The following PDE5A variants were observed in gnomAD, a reference collection of about 807,000 sequenced individuals.
The protein encoded by PDE5A is cGMP-specific 3',5'-cyclic phosphodiesterase.
PDE5A carries 67 observed loss-of-function variants against 110.2 expected under a neutral mutation model. The ratio of observed to expected loss-of-function variants is 0.61; its 90% CI spans 0.50 to 0.75. PDE5A has a LOEUF of 0.75. Among genes scored for constraint, PDE5A ranks in the 30% least tolerant of loss-of-function variants. The pLI, the probability that PDE5A is intolerant of heterozygous loss-of-function variation, is 0.00. For missense variants in PDE5A, 862 were observed against 1,045.1 expected, an observed-to-expected ratio of 0.82 and a Z score of 2.42; for synonymous variants, 328 against 351.2, an observed-to-expected ratio of 0.93 and a Z score of 0.74.
In PDE5A at chr4:119,525,541, A is replaced by C. The variant is rs1282816017; in HGVS notation, c.1779+8T>G. The C allele has an allele frequency of 6.2e-7, 1 of 1,612,050 alleles. No individual in the cohort carries two copies. The highest frequency in any genetic ancestry group is 1.3e-5 in the African/African-American group (1 of 74,806). The stretch of plus-strand genomic sequence containing the variant: ...AGACTTTTCCAAAGGATGTTGCTGC[A>C]TTCCTACCTCATGTTTCATCTGGAA... On this transcript the variant is annotated splice_region_variant and intron_variant, in intron 12 of 20. Coordinates refer to ENST00000354960, the MANE Select transcript of PDE5A (RefSeq NM_001083.4). The surrounding 1 kb of genome is among the most constrained non-coding windows in gnomAD (Gnocchi z 4.3).
chr4:119,596,468 T>C lies in PDE5A; in HGVS notation c.831+55A>G, dbSNP rs1389363574. ...ATATGCAAAGTAAATACAAAATATT[T>C]TTCAAAAAGAAAAATATTTCCAATG... On this transcript the variant is annotated intron_variant, in intron 3 of 20. Transcript: ENST00000354960. 1.0e-5 allele frequency: 10 copies of C among 972,200 alleles called. No homozygotes were observed. In the East Asian group the frequency reaches 2.6e-4, roughly 25 times the overall value. 60.2% of individuals were successfully genotyped at this position (972,200 alleles called of 1,614,324 possible).
At position 119,538,861 on chromosome 4, in the gene PDE5A, AATT is replaced by A; in HGVS notation, c.1632+96_1632+98del. The A allele has an allele frequency of 3.4e-6, 3 of 891,114 alleles. No homozygotes were observed. In the African/African-American group the frequency reaches 4.9e-5, roughly 15 times the overall value. 55.2% of individuals were successfully genotyped at this position (891,114 alleles called of 1,614,324 possible). A position where few individuals can be genotyped will look rare whatever the true frequency, so the allele number is the denominator to read the frequency against. On this transcript the variant is annotated intron_variant, in intron 11 of 20. Transcript: ENST00000354960. ...TGCATCCCTGCAAGAAAGCAGAGTT[AATT>A]AAACATTTTTATAAGTATCCATCTA...
At chr4:119,568,612 T>C (rs780216947) in intron 3 of PDE5A, among the ~76,000 whole-genome samples, 2 of 152,164 alleles carry the variant, frequency 1.3e-5, no homozygotes, top group African/African-American at 2.4e-5. Context: ...AGTTTCATGA[T>C]ACAGTGGCCA....
At chr4:119,628,388 G>A in intron 1 of PDE5A, 132 bp downstream of exon 1, 1 of 631,288 alleles carries the variant, frequency 1.6e-6, no homozygotes, top group Non-Finnish European at 2.7e-6. Context: ...GCTTAGAGTT[G>A]AGGTTTCTAC....
In PDE5A at chr4:119,606,659, C is replaced by T. The variant is rs78421882; in HGVS notation, c.741+50G>A. Reference sequence around the variant, plus strand: ...GCCCCAGCCATAGTACCCGCCCCAGCCATAGTCCCCTCCCCAGCACTGGTC... The same window carrying T: ...GCCCCAGCCATAGTACCCGCCCCAGTCATAGTCCCCTCCCCAGCACTGGTC... On this transcript the variant is annotated intron_variant, in intron 2 of 20. Coordinates refer to ENST00000354960, the MANE Select transcript of PDE5A (RefSeq NM_001083.4). The T allele has an allele frequency of 3.5e-3, 4,762 of 1,374,630 alleles. 122 individuals carry two copies. The African/African-American group carries it at 0.059, about 17-fold the overall frequency. 85.2% of individuals were successfully genotyped at this position (1,374,630 alleles called of 1,614,324 possible).
At chr4:119,540,865 A>G (rs1352552838) in intron 10 of PDE5A, among the ~76,000 whole-genome samples, 2 of 152,310 alleles carry the variant, frequency 1.3e-5, no homozygotes, top group Non-Finnish European at 2.9e-5. Flanking sequence ...TTTCAAAGTT[A>G]TATCTATGAT....
chr4:119,570,638 A>G (rs1370005199), intron 3 of PDE5A, among the ~76,000 whole-genome samples: 1 of 152,218 alleles, frequency 6.6e-6, no homozygotes, highest in African/African-American at 2.4e-5. Flanking sequence ...TCATTGCCAC[A>G]GTGAGCAATT....
chr4:119,593,694 C>T (rs957671729), intron 3 of PDE5A, among the ~76,000 whole-genome samples: 15 of 152,154 alleles, frequency 9.9e-5, no homozygotes, highest in Non-Finnish European at 2.2e-4. Context: ...ATCTCAAATT[C>T]ATCAAATTGT....
At chr4:119,557,214 C>G (rs1037632571) in intron 7 of PDE5A, among the ~76,000 whole-genome samples, 18 of 152,168 alleles carry the variant, frequency 1.2e-4, no homozygotes, top group African/African-American at 4.3e-4. Context: ...AGCAGCCTTG[C>G]CAAACCTTCC....
chr4:119,565,980 TA>T lies in PDE5A; in HGVS notation c.904-571del, dbSNP rs570767920. On this transcript the variant is annotated intron_variant, in intron 4 of 20. Coordinates refer to ENST00000354960, the MANE Select transcript of PDE5A (RefSeq NM_001083.4). Reference sequence around the variant, plus strand: ...TAATTAATATTATTATAATTAATAATAATTAATAGTATTAATTATTGATTGA... The same window carrying T: ...TAATTAATATTATTATAATTAATAATATTAATAGTATTAATTATTGATTGA... 7.5e-3 allele frequency among the ~76,000 whole-genome samples: 1,124 copies of T among 149,058 alleles called. 19 individuals carry two copies. The highest frequency in any genetic ancestry group is 0.026 in the African/African-American group (1,063 of 41,020).
At position 119,525,091 on chromosome 4, in the gene PDE5A, T is replaced by C. The variant is rs937316965; in HGVS notation, c.1779+458A>G. Among the ~76,000 whole-genome samples, 2 of 152,068 alleles carry C rather than the reference T, an allele frequency of 1.3e-5. No homozygotes were observed. Among genetic ancestry groups the C allele is most frequent in the Non-Finnish European group, 2.9e-5 (2 of 67,992 alleles). On this transcript the variant is annotated intron_variant, in intron 12 of 20. Coordinates refer to ENST00000354960, the MANE Select transcript of PDE5A (RefSeq NM_001083.4). This position sits in a 1 kb window ranked among gnomAD's most constrained non-coding sequence, Gnocchi z 4.3. ...TCCCTGTACACTATTGTTATAACCA[T>C]TGCAGTGAGATCATGCTACTTCTCT...
At chr4:119,575,411 A>C (rs1728298066) in intron 3 of PDE5A, among the ~76,000 whole-genome samples, 1 of 152,230 alleles carries the variant, frequency 6.6e-6, no homozygotes, top group African/African-American at 2.4e-5. Flanking sequence ...AAAATGAAGG[A>C]AAAAATGTTA....
At chr4:119,534,504 C>T (rs996724285) in intron 11 of PDE5A, among the ~76,000 whole-genome samples, 5 of 152,134 alleles carry the variant, frequency 3.3e-5, no homozygotes, top group South Asian at 2.1e-4. Flanking sequence ...ATCTCCATTC[C>T]GCCCGCCCCC....
At chr4:119,502,383 C>A in intron 19 of PDE5A, 198 bp downstream of exon 19, 1 of 435,790 alleles carries the variant, frequency 2.3e-6, no homozygotes, top group Non-Finnish European at 4.1e-6. Context: ...ATGATGAACC[C>A]AAGAGTCTTT....
chr4:119,593,336 T>C (rs1729044628), intron 3 of PDE5A, among the ~76,000 whole-genome samples: 1 of 152,200 alleles, frequency 6.6e-6, no homozygotes, highest in South Asian at 2.1e-4. Context: ...GAAATGTTTA[T>C]CAACTGATGA....
intron 3 of PDE5A, among the ~76,000 whole-genome samples, chr4:119,572,048 G>A (rs1468744995): frequency 1.3e-5 from 2 of 152,108 alleles, no homozygotes; most frequent in Non-Finnish European, 2.9e-5. Flanking sequence ...GCAATGTCCT[G>A]TGTTCACATA....
At chr4:119,562,432 A>G (rs1727774570) in intron 6 of PDE5A, among the ~76,000 whole-genome samples, 1 of 152,180 alleles carries the variant, frequency 6.6e-6, no homozygotes, top group Non-Finnish European at 1.5e-5. Context: ...TACCCAACCC[A>G]TCCAGAATGA....
chr4:119,550,860 T>C (rs988009555), intron 9 of PDE5A, among the ~76,000 whole-genome samples: 6 of 152,192 alleles, frequency 3.9e-5, no homozygotes, highest in Admixed American at 2.0e-4. Flanking sequence ...AGAAATAAAA[T>C]TTTATAACAT....
chr4:119,606,398 G>C (rs1179027626), intron 2 of PDE5A, among the ~76,000 whole-genome samples: 1 of 151,922 alleles, frequency 6.6e-6, no homozygotes, highest in Non-Finnish European at 1.5e-5. Flanking sequence ...TATGTATAGT[G>C]ATCAGATAAA....
Sources: gnomAD v4.1 joint callset for allele counts (sites outside exome capture counted in the v4.1 genomes callset) on GRCh38, gnomAD v4.1.1 for gene constraint, Gnocchi (gnomAD v3.1) non-coding constraint, MANE v1.5 for transcripts, NCBI Gene and HGNC (gene_info 2026-07-23, HGNC 2026-07-21) for gene names.